Variants in EBPL observed in about 807,000 individuals in gnomAD.
EBPL encodes the protein EBP like.
Under a neutral mutation model 19.0 loss-of-function variants are expected in EBPL, and 20 were observed. The ratio of observed to expected loss-of-function variants is 1.05; its 90% CI spans 0.74 to 1.53. The LOEUF is 1.53. Among genes scored for constraint, EBPL ranks in the 40% most tolerant of loss-of-function variants. The pLI is 0.00. For missense variants in EBPL, 219 were observed against 261.1 expected (o/e 0.84, Z 1.11); for synonymous variants, 107 against 117.0 (o/e 0.91, Z 0.55).
intron 2 of EBPL, among the ~76,000 whole-genome samples, chr13:49,668,904 G>T (rs1953778300): frequency 1.3e-5 from 2 of 150,202 alleles, no homozygotes; most frequent in African/African-American, 4.9e-5. Context: ...TTTTGAGAGG[G>T]AGTCTTGCTC....
intron 1 of EBPL, among the ~76,000 whole-genome samples, chr13:49,673,026 T>C (rs1415130765): frequency 1.3e-5 from 2 of 151,884 alleles, no homozygotes; most frequent in Non-Finnish European, 1.5e-5. Flanking sequence ...GCCACTGCAC[T>C]CCAACCTTGG....
At chr13:49,665,167 A>G (rs1258427729) in intron 2 of EBPL, among the ~76,000 whole-genome samples, 1 of 149,952 alleles carries the variant, frequency 6.7e-6, no homozygotes, top group Admixed American at 6.6e-5. Flanking sequence ...CTGGAGTGCA[A>G]TGGCATGATC....
intron 1 of EBPL, among the ~76,000 whole-genome samples, chr13:49,687,187 C>A (rs1954007937): frequency 6.6e-6 from 1 of 152,318 alleles, no homozygotes; most frequent in South Asian, 2.1e-4. Flanking sequence ...ATCACCATTA[C>A]CCATGTTGCT....
At chr13:49,679,772 G>A (rs1425176624) in intron 1 of EBPL, among the ~76,000 whole-genome samples, 1 of 152,106 alleles carries the variant, frequency 6.6e-6, no homozygotes, top group African/African-American at 2.4e-5. Context: ...CAAAGTGCCA[G>A]GATTACAGGT....
At chr13:49,673,800 A>G (rs1384545163) in intron 1 of EBPL, among the ~76,000 whole-genome samples, 2 of 152,154 alleles carry the variant, frequency 1.3e-5, no homozygotes, top group Non-Finnish European at 2.9e-5. Flanking sequence ...GGACATTGTT[A>G]GTGGTTGCCA....
At chr13:49,690,893 T>C (rs571257342) in intron 1 of EBPL, among the ~76,000 whole-genome samples, 20 of 152,210 alleles carry the variant, frequency 1.3e-4, no homozygotes, top group Non-Finnish European at 2.9e-4. Context: ...TTGCCCCCTC[T>C]GGGGCATTTA....
intron 1 of EBPL, among the ~76,000 whole-genome samples, chr13:49,682,886 C>G (rs1345144047): frequency 6.6e-6 from 1 of 152,172 alleles, no homozygotes; most frequent in African/African-American, 2.4e-5. Flanking sequence ...TTTCCACCTT[C>G]CCCCACCGCC....
intron 1 of EBPL, among the ~76,000 whole-genome samples, chr13:49,689,936 T>C (rs1452010859): frequency 6.6e-6 from 1 of 152,092 alleles, no homozygotes. Flanking sequence ...GATCATCTGA[T>C]GTTAGGGGTT....
intron 1 of EBPL, among the ~76,000 whole-genome samples, chr13:49,670,595 T>C (rs773320800): frequency 2.0e-5 from 3 of 152,220 alleles, no homozygotes; most frequent in Non-Finnish European, 4.4e-5. Context: ...GTCACCACTC[T>C]CAATCACATC....
At chr13:49,687,884 T>G (rs547967764) in intron 1 of EBPL, among the ~76,000 whole-genome samples, 1 of 152,316 alleles carries the variant, frequency 6.6e-6, no homozygotes, top group East Asian at 1.9e-4. Context: ...TAAATTATCT[T>G]TATGAAGATC....
At chr13:49,690,173 CAAAAAAA>C (rs1332181431) in intron 1 of EBPL, among the ~76,000 whole-genome samples, 4 of 96,488 alleles carry the variant, frequency 4.1e-5, no homozygotes, top group African/African-American at 8.0e-5. Flanking sequence ...AAAAAAAAGA[CAAAAAAA>C]AAAAAAAAGA....
intron 1 of EBPL, among the ~76,000 whole-genome samples, chr13:49,683,345 G>A (rs1189107081): frequency 6.6e-6 from 1 of 151,930 alleles, no homozygotes; most frequent in Non-Finnish European, 1.5e-5. Context: ...GGCTAACACG[G>A]TGAAACCTCG....
intron 2 of EBPL, among the ~76,000 whole-genome samples, chr13:49,666,643 C>T (rs1336594876): frequency 6.8e-5 from 9 of 131,772 alleles, no homozygotes; most frequent in Admixed American, 2.7e-4. Context: ...ACCCAAGAGG[C>T]GGAGCTTGCA....
At position 49,661,800 on chromosome 13, in the gene EBPL, G is replaced by A. The variant is rs977021600; in HGVS notation, c.381-592C>T. 51 of 1,531,764 alleles carry A rather than the reference G, an allele frequency of 3.3e-5. No homozygotes were observed. The Admixed American group carries it at 6.7e-4, about 20-fold the overall frequency. 94.9% of individuals were successfully genotyped at this position (1,531,764 alleles called of 1,614,324 possible). ...AACTATCTCTCTAAAATTGGGTGGG[G>A]AAGGAAGCTTTAAATAAGACTTCTT... On this transcript the variant is annotated intron_variant, in intron 3 of 3. Transcript: ENST00000242827.
chr13:49,663,136 C>A lies in EBPL; in HGVS notation c.301G>T (p.Val101Leu). 1 of 1,614,198 alleles carries A rather than the reference C, an allele frequency of 6.2e-7. No individual in the cohort carries two copies. The highest frequency in any genetic ancestry group is 1.3e-5 in the African/African-American group (1 of 75,052). Reference protein sequence around the residue: ...WVYFDPTIVSVEILTVALDGS... With the variant: ...WVYFDPTIVSLEILTVALDGS... ...TCCAGGGCGACGGTCAGAATTTCCA[C>A]AGACACAATGGTTGGATCAAAATAA... The change falls in exon 3 of 4, where the codon GTG becomes TTG. Residue 101 changes from valine to leucine, a missense_variant. Val to Leu is a conservative substitution (Grantham distance 32). Coordinates refer to ENST00000242827, the MANE Select transcript of EBPL (RefSeq NM_032565.5).
rs563857736 is a variant in EBPL at position 49,664,433 on chromosome 13, G to A, written c.242-1238C>T. On this transcript the variant is annotated intron_variant, in intron 2 of 3. Transcript: ENST00000242827. ...CACAGTCTCAGCTGTGCTGCTTGGG[G>A]AGCCAGTGTGCTCTCAGAGATCCAT... Among the ~76,000 whole-genome samples the A allele has an allele frequency of 2.2e-4, 34 of 152,264 alleles. No individual in the cohort carries two copies. In the South Asian group the frequency reaches 4.1e-3, roughly 19 times the overall value.
rs74074801 is a variant in EBPL at position 49,662,286 on chromosome 13, G to A, written c.380+771C>T. On this transcript the variant is annotated intron_variant, in intron 3 of 3. Coordinates refer to ENST00000242827, the MANE Select transcript of EBPL (RefSeq NM_032565.5). ...GCTGGGATTATAGGCATGAGCCACC[G>A]CACCTGGTCTCTCTGCACTCCGCCT... Among the ~76,000 whole-genome samples, 1,119 of 152,226 alleles carry A rather than the reference G, an allele frequency of 7.4e-3. 18 individuals are homozygous for A. The highest frequency in any genetic ancestry group is 0.026 in the African/African-American group (1,071 of 41,538).
chr13:49,681,528 TG>T (rs1170592288), intron 1 of EBPL, among the ~76,000 whole-genome samples: 1 of 152,202 alleles, frequency 6.6e-6, no homozygotes, highest in Non-Finnish European at 1.5e-5. Context: ...TGACCTCAGG[TG>T]ATCTGCTCAC....
intron 1 of EBPL, 42 bp from the exon 2 acceptor site, chr13:49,669,888 C>A (rs768627003): frequency 1.3e-6 from 2 of 1,513,230 alleles, no homozygotes; most frequent in Non-Finnish European, 1.8e-6. Context: ...TACAGCATCA[C>A]AACCACAGGA....
Sources: allele counts gnomAD v4.1 joint callset (sites outside exome capture counted in the v4.1 genomes callset), GRCh38; gene constraint gnomAD v4.1.1; transcripts MANE v1.5; gene names NCBI Gene and HGNC (gene_info 2026-07-23, HGNC 2026-07-21).